DIAPH2: variants seen among roughly 807,000 people sequenced by gnomAD.
The protein encoded by DIAPH2 is protein diaphanous homolog 2.
Under a neutral mutation model 92.7 loss-of-function variants are expected in DIAPH2, and 35 were observed. The observed-to-expected ratio is 0.38, with a 90% confidence interval of 0.29 to 0.50. The LOEUF is 0.50. Ranked by LOEUF, DIAPH2 falls within the 20% of genes least tolerant of loss-of-function variation. DIAPH2 has a pLI of 0.94. For synonymous variants in DIAPH2, 301 were observed against 280.4 expected (o/e 1.07, Z -0.73); for missense variants, 701 against 819.5 (o/e 0.86, Z 1.77).
At chrX:97,133,377 T>G (rs1048025922) in intron 21 of DIAPH2, among the ~76,000 whole-genome samples, 3 of 110,767 alleles carry the variant, frequency 2.7e-5, no homozygotes, top group African/African-American at 9.9e-5. Flanking sequence ...AACCTCCACC[T>G]CCCGGGTTCA....
Position 96,978,434 on chromosome X carries a change from G to A in DIAPH2, c.2050+13227G>A, listed in dbSNP as rs911283994. 1.1e-4 allele frequency among the ~76,000 whole-genome samples: 12 copies of A among 109,759 alleles called. No homozygotes were observed. The Admixed American group carries it at 1.2e-3, about 11-fold the overall frequency. ...TATCATCTTGTAAAGTAGGTGTGCTGATTGAGCAAGCTAAATTTTGTTATT... is the reference window on the plus strand; with the variant it reads ...TATCATCTTGTAAAGTAGGTGTGCTAATTGAGCAAGCTAAATTTTGTTATT... On this transcript the variant is annotated intron_variant, in intron 17 of 26. Transcript: ENST00000324765.
intron 23 of DIAPH2, among the ~76,000 whole-genome samples, chrX:97,258,880 A>AC (rs1312976864): frequency 1.9e-5 from 2 of 104,633 alleles, no homozygotes; most frequent in Non-Finnish European, 3.9e-5. Context: ...CAAAAAAAAA[A>AC]AAAAAAAAAA....
At chrX:97,508,954 T>TAAC (rs1210685764) in intron 26 of DIAPH2, among the ~76,000 whole-genome samples, 1 of 105,367 alleles carries the variant, frequency 9.5e-6, no homozygotes, top group Admixed American at 1.0e-4. Flanking sequence ...ACAACAACAA[T>TAAC]AACAACAACA....
chrX:96,723,959 T>C (rs958371143), intron 1 of DIAPH2, among the ~76,000 whole-genome samples: 3 of 99,621 alleles, frequency 3.0e-5, no homozygotes, highest in African/African-American at 1.1e-4. Flanking sequence ...AGTCTCATTC[T>C]GTTGCCCGGG....
intron 17 of DIAPH2, among the ~76,000 whole-genome samples, chrX:97,058,821 G>T (rs1384037355): frequency 9.0e-6 from 1 of 111,657 alleles, no homozygotes; most frequent in East Asian, 2.8e-4. Context: ...AGGAGGGATT[G>T]ATGTGGGAGA....
chrX:97,207,343 T>A (rs1392265181), intron 22 of DIAPH2, among the ~76,000 whole-genome samples: 3 of 111,841 alleles, frequency 2.7e-5, no homozygotes, highest in Non-Finnish European at 5.6e-5. Context: ...TCAGCAAGCA[T>A]TTTAGGGATT....
intron 8 of DIAPH2, 116 bp from the exon 9 acceptor site, chrX:96,918,393 T>C (rs1602628109): frequency 2.3e-6 from 1 of 429,221 alleles, no homozygotes; most frequent in Non-Finnish European, 3.9e-6. Flanking sequence ...AAAATTCTAA[T>C]GGTATATATA....
At chrX:96,798,783 G>A (rs1477792659) in intron 4 of DIAPH2, among the ~76,000 whole-genome samples, 3 of 111,711 alleles carry the variant, frequency 2.7e-5, no homozygotes, top group South Asian at 7.5e-4. Context: ...AACTTTGCAT[G>A]AATCTAAAGT....
intron 4 of DIAPH2, among the ~76,000 whole-genome samples, chrX:96,870,225 A>T (rs185607000): frequency 3.6e-5 from 4 of 110,812 alleles, no homozygotes; most frequent in Non-Finnish European, 7.6e-5. Flanking sequence ...AAGTTGTGAA[A>T]GCTGTTTTTG....
Position 96,916,417 on chromosome X carries a change from GTTTTTTT to G in DIAPH2, c.733-9_733-3del, listed in dbSNP as rs56682273. On this transcript the variant is annotated splice_polypyrimidine_tract_variant and intron_variant, in intron 7 of 26. Transcript: ENST00000324765. ...TATTCCATAGACATTCTGAATGAAG[GTTTTTTT>G]TTTTTTTTTTTAGTTTGGATTACAA... 2.8e-5 allele frequency: 25 copies of G among 886,920 alleles called. No homozygotes were observed. The highest frequency in any genetic ancestry group is 3.2e-5 in the Non-Finnish European group (22 of 679,250). 73.1% of individuals were successfully genotyped at this position (886,920 alleles called of 1,213,427 possible). A position where few individuals can be genotyped will look rare whatever the true frequency, so the allele number is the denominator to read the frequency against.
chrX:96,696,833 CCTTA>C (rs754038431), intron 1 of DIAPH2, among the ~76,000 whole-genome samples: 24 of 112,110 alleles, frequency 2.1e-4, no homozygotes, highest in African/African-American at 7.4e-4. Context: ...TGGGATTTTC[CCTTA>C]CTTACCTACC....
At chrX:97,445,823 G>A (rs1431431882) in intron 26 of DIAPH2, among the ~76,000 whole-genome samples, 1 of 110,383 alleles carries the variant, frequency 9.1e-6, no homozygotes, top group Non-Finnish European at 1.9e-5. Flanking sequence ...GAAAAACTGG[G>A]GGGAAAAATC....
chrX:97,047,467 A>G lies in DIAPH2; in HGVS notation c.2051-25474A>G, dbSNP rs1009223287. 3.8e-4 allele frequency among the ~76,000 whole-genome samples: 39 copies of G among 102,093 alleles called. 1 individual carries two copies. Among genetic ancestry groups the G allele is most frequent in the Non-Finnish European group, 7.2e-4 (37 of 51,279 alleles). The allele number at this position is 102,093 out of a possible 115,157, so 88.7% of individuals were successfully genotyped here. A position where few individuals can be genotyped will look rare whatever the true frequency, so the allele number is the denominator to read the frequency against. On this transcript the variant is annotated intron_variant, in intron 17 of 26. Transcript: ENST00000324765. ...TATAAATTCATGTTTTAAAATAAATATATATATATATAATTATAATCTGTG... is the reference window on the plus strand; with the variant it reads ...TATAAATTCATGTTTTAAAATAAATGTATATATATATAATTATAATCTGTG...
At chrX:97,542,138 T>C (rs1331324361) in intron 26 of DIAPH2, among the ~76,000 whole-genome samples, 1 of 112,516 alleles carries the variant, frequency 8.9e-6, no homozygotes, top group East Asian at 2.8e-4. Context: ...AGAGCTGATT[T>C]GAAATGCATT....
chrX:97,577,982 G>C (rs929900029), intron 26 of DIAPH2, among the ~76,000 whole-genome samples: 2 of 104,807 alleles, frequency 1.9e-5, no homozygotes, highest in Admixed American at 2.1e-4. Context: ...TGTTGTTTTT[G>C]TCTTTTCTTC....
chrX:97,000,822 G>C (rs2066138866), intron 17 of DIAPH2, among the ~76,000 whole-genome samples: 1 of 111,471 alleles, frequency 9.0e-6, no homozygotes, highest in Admixed American at 9.5e-5. Context: ...CAGTGTGTTT[G>C]AACTGTACCC....
intron 4 of DIAPH2, among the ~76,000 whole-genome samples, chrX:96,768,062 T>G (rs2064315223): frequency 8.9e-6 from 1 of 112,041 alleles, no homozygotes; most frequent in Admixed American, 9.5e-5. Flanking sequence ...AAATTGTTTT[T>G]ATTATTTAGT....
chrX:97,519,325 C>T (rs758982362), intron 26 of DIAPH2, among the ~76,000 whole-genome samples: 4 of 111,378 alleles, frequency 3.6e-5, no homozygotes, highest in Middle Eastern at 4.6e-3. Context: ...TCATGTCCTC[C>T]GTTGCATTGA....
At chrX:96,962,665 T>C (rs2065872007) in intron 16 of DIAPH2, among the ~76,000 whole-genome samples, 1 of 107,211 alleles carries the variant, frequency 9.3e-6, no homozygotes, top group Admixed American at 1.0e-4. Context: ...TGAAATATGT[T>C]TCTTGTTGGA....
Sources: allele counts gnomAD v4.1 joint callset (sites outside exome capture counted in the v4.1 genomes callset), GRCh38; gene constraint gnomAD v4.1.1; transcripts MANE v1.5; gene names NCBI Gene and HGNC (gene_info 2026-07-23, HGNC 2026-07-21).